Variants in FSTL4 observed in about 807,000 individuals in gnomAD.
FSTL4 encodes the protein follistatin like 4.
FSTL4 carries 28 observed loss-of-function variants against 78.2 expected under a neutral mutation model. The ratio of observed to expected loss-of-function variants is 0.36; its 90% CI spans 0.27 to 0.49. The LOEUF (loss-of-function observed/expected upper bound fraction) is 0.49, where lower values mean the gene tolerates loss of function less well. Among genes scored for constraint, FSTL4 ranks in the 20% least tolerant of loss-of-function variants. The probability of loss-of-function intolerance (pLI) is 0.98; values close to 1 mark genes in which losing one functional copy is unlikely to be tolerated. For missense variants in FSTL4, 922 were observed against 1,084.9 expected (o/e 0.85, Z 2.11); for synonymous variants, 422 against 440.5 (o/e 0.96, Z 0.53).
chr5:133,220,288 G>A (rs905828793), intron 12 of FSTL4, among the ~76,000 whole-genome samples: 3 of 152,254 alleles, frequency 2.0e-5, no homozygotes, highest in Non-Finnish European at 4.4e-5. Context: ...TGGTGTGGGG[G>A]CCACAGCCCT....
chr5:133,656,337 TG>T, the FSTL4 span, among the ~76,000 whole-genome samples: 1 of 151,936 alleles, frequency 6.6e-6, no homozygotes, highest in African/African-American at 2.4e-5. Flanking sequence ...GGAGCTGGAG[TG>T]TTTATACAAC....
At chr5:133,566,894 C>T (rs1313498453) in intron 3 of FSTL4, among the ~76,000 whole-genome samples, 1 of 152,188 alleles carries the variant, frequency 6.6e-6, no homozygotes, top group Non-Finnish European at 1.5e-5. Context: ...CCAAACTTCA[C>T]TCAAGAATGA....
chr5:133,816,521 A>T, the FSTL4 span, among the ~76,000 whole-genome samples: 1 of 152,162 alleles, frequency 6.6e-6, no homozygotes, highest in Admixed American at 6.5e-5. Flanking sequence ...AGCCTGAAGG[A>T]TGGCACATCG....
chr5:133,615,141 T>C (rs1019620481), upstream of FSTL4, among the ~76,000 whole-genome samples: 7 of 152,136 alleles, frequency 4.6e-5, no homozygotes, highest in African/African-American at 1.2e-4. Flanking sequence ...ACCAAAAGTA[T>C]CTGCATCACT....
chr5:133,817,007 G>A, the FSTL4 span, among the ~76,000 whole-genome samples: 1 of 152,128 alleles, frequency 6.6e-6, no homozygotes, highest in African/African-American at 2.4e-5. Flanking sequence ...CAGATACCCA[G>A]GCCCAGGCCC....
Position 133,488,255 on chromosome 5 carries a change from G to A in FSTL4, c.160+78931C>T, listed in dbSNP as rs75614191. On this transcript the variant is annotated intron_variant, in intron 3 of 15. Coordinates refer to ENST00000265342, the MANE Select transcript of FSTL4 (RefSeq NM_015082.2). ...CCAAGATAGCTAAGATAATCTTTGC[G>A]ACGAGCTCTCTTTTTTTGAGATGGA... Among the ~76,000 whole-genome samples the A allele has an allele frequency of 1.0e-3, 155 of 150,224 alleles. 4 individuals carry two copies. In the East Asian group the frequency reaches 0.028, roughly 27 times the overall value.
chr5:133,275,038 G>A (rs943759388), intron 6 of FSTL4, among the ~76,000 whole-genome samples: 14 of 151,998 alleles, frequency 9.2e-5, no homozygotes, highest in African/African-American at 3.4e-4. Context: ...GAGGCGGGTG[G>A]ATCACTTGAG....
At position 133,199,679 on chromosome 5, in the gene FSTL4, G is replaced by C; in HGVS notation, c.1945C>G (p.His649Asp). 1 of 1,614,064 alleles carries C rather than the reference G, an allele frequency of 6.2e-7. No homozygotes were observed. The highest frequency in any genetic ancestry group is 8.5e-7 in the Non-Finnish European group (1 of 1,179,944). Residue 649 changes from histidine (H) to aspartate (D), a missense_variant, in exon 16 of 16, where the codon CAC becomes GAC. By Grantham distance (81) the His-to-Asp change is moderately conservative. Coordinates refer to ENST00000265342, the MANE Select transcript of FSTL4 (RefSeq NM_015082.2). This position sits in a 1 kb window ranked among gnomAD's most constrained non-coding sequence, Gnocchi z 4.4. ...HHGCVPQAMA[H>D]THLGGYFFIQ... is the part of the protein sequence containing the mutation. Reference sequence around the variant, plus strand: ...AAGAAGTAGCCGCCCAGGTGGGTGTGTGCCATGGCCTGGGGCACGCAGCCA... The same window carrying C: ...AAGAAGTAGCCGCCCAGGTGGGTGTCTGCCATGGCCTGGGGCACGCAGCCA...
At chr5:133,477,292 A>C (rs1757943225) in intron 3 of FSTL4, among the ~76,000 whole-genome samples, 1 of 152,254 alleles carries the variant, frequency 6.6e-6, no homozygotes, top group South Asian at 2.1e-4. Context: ...AAAGGAAAGG[A>C]GTCAAATTTC....
At chr5:133,385,249 T>C (rs1755672123) in intron 4 of FSTL4, among the ~76,000 whole-genome samples, 1 of 152,230 alleles carries the variant, frequency 6.6e-6, no homozygotes, top group Non-Finnish European at 1.5e-5. Flanking sequence ...AAGGTATGAA[T>C]GGCCCAGATG....
intron 3 of FSTL4, among the ~76,000 whole-genome samples, chr5:133,437,315 C>T (rs1757053458): frequency 6.6e-6 from 1 of 152,068 alleles, no homozygotes; most frequent in Non-Finnish European, 1.5e-5. Context: ...GTGACAGTCA[C>T]CGCACTTGGG....
the FSTL4 span, among the ~76,000 whole-genome samples, chr5:133,653,013 T>C: frequency 6.6e-6 from 1 of 152,164 alleles, no homozygotes; most frequent in South Asian, 2.1e-4. Flanking sequence ...ATAGTCTATA[T>C]AGAAGTGCTC....
chr5:133,518,378 G>GA (rs1758907291), intron 3 of FSTL4, among the ~76,000 whole-genome samples: 1 of 152,018 alleles, frequency 6.6e-6, no homozygotes, highest in East Asian at 1.9e-4. Context: ...ATAAACACAT[G>GA]AAAAAAATGT....
At chr5:133,763,506 G>A in the FSTL4 span, among the ~76,000 whole-genome samples, 3,955 of 152,172 alleles carry the variant, frequency 0.026, 132 homozygotes, top group African/African-American at 0.081. Flanking sequence ...CAGCCCCTCT[G>A]AGCCTCCTCC....
At chr5:133,668,653 A>C in the FSTL4 span, among the ~76,000 whole-genome samples, 1 of 152,166 alleles carries the variant, frequency 6.6e-6, no homozygotes, top group East Asian at 1.9e-4. Flanking sequence ...TAGTAGCCAG[A>C]GATTGGCTGG....
At chr5:133,530,123 G>C (rs985645796) in intron 3 of FSTL4, among the ~76,000 whole-genome samples, 2 of 152,184 alleles carry the variant, frequency 1.3e-5, no homozygotes, top group Non-Finnish European at 2.9e-5. Flanking sequence ...ATGGTTTTGA[G>C]ACTTCTGTGC....
intron 3 of FSTL4, among the ~76,000 whole-genome samples, chr5:133,433,577 A>G (rs1756982000): frequency 6.6e-6 from 1 of 152,232 alleles, no homozygotes; most frequent in Admixed American, 6.5e-5. Context: ...AGCAGCCTGC[A>G]ATGGAATTTA....
At chr5:133,689,405 G>A in the FSTL4 span, among the ~76,000 whole-genome samples, 3 of 152,212 alleles carry the variant, frequency 2.0e-5, no homozygotes, top group Non-Finnish European at 4.4e-5. Flanking sequence ...AATCTACAGT[G>A]CCAAGCAGCT....
intron 3 of FSTL4, among the ~76,000 whole-genome samples, chr5:133,487,578 C>A (rs2112864613): frequency 6.6e-6 from 1 of 152,246 alleles, no homozygotes; most frequent in South Asian, 2.1e-4. Flanking sequence ...AGGGTTGTTG[C>A]CAGTGTCTCC....
Sources: gnomAD v4.1 joint callset for allele counts (sites outside exome capture counted in the v4.1 genomes callset) on GRCh38, gnomAD v4.1.1 for gene constraint, Gnocchi (gnomAD v3.1) non-coding constraint, MANE v1.5 for transcripts, NCBI Gene and HGNC (gene_info 2026-07-23, HGNC 2026-07-21) for gene names.